The following ANKRD13C variants were observed in gnomAD, a reference collection of about 807,000 sequenced individuals.
ANKRD13C encodes ankyrin repeat domain 13C.
ANKRD13C carries 16 observed loss-of-function variants against 65.5 expected under a neutral mutation model. The ratio of observed to expected loss-of-function variants is 0.24; its 90% CI spans 0.17 to 0.37. The LOEUF is 0.37. ANKRD13C is among the 10% of genes least tolerant of loss of function. ANKRD13C has a pLI of 1.00. For synonymous variants in ANKRD13C, 235 were observed against 238.7 expected, an observed-to-expected ratio of 0.98 and a Z score of 0.14; for missense variants, 503 against 655.9, an observed-to-expected ratio of 0.77 and a Z score of 2.55.
intron 5 of ANKRD13C, among the ~76,000 whole-genome samples, chr1:70,311,033 T>C (rs1013092188): frequency 6.6e-6 from 1 of 152,208 alleles, no homozygotes; most frequent in Non-Finnish European, 1.5e-5. Flanking sequence ...GCTAGAGTTA[T>C]AAAAATGTGA....
At chr1:70,316,032 G>A (rs1209070390) in intron 3 of ANKRD13C, among the ~76,000 whole-genome samples, 1 of 152,104 alleles carries the variant, frequency 6.6e-6, no homozygotes, top group Non-Finnish European at 1.5e-5. Flanking sequence ...TGACCTCAAG[G>A]AAGATCTCAA....
intron 12 of ANKRD13C, among the ~76,000 whole-genome samples, chr1:70,266,927 T>G (rs149550335): frequency 8.3e-4 from 126 of 152,340 alleles, no homozygotes; most frequent in African/African-American, 3.0e-3. Context: ...GGGTAGAGTA[T>G]TCTATAAATG....
chr1:70,301,983 T>C (rs893083753), intron 6 of ANKRD13C, among the ~76,000 whole-genome samples: 1 of 152,148 alleles, frequency 6.6e-6, no homozygotes, highest in Non-Finnish European at 1.5e-5. Context: ...AAATCCACCC[T>C]GGCTACTGAA....
chr1:70,272,218 G>A (rs1216321877), intron 11 of ANKRD13C, among the ~76,000 whole-genome samples: 2 of 147,446 alleles, frequency 1.4e-5, no homozygotes, highest in Non-Finnish European at 3.0e-5. Context: ...TTTGTATGCT[G>A]TGTTCTCTAT....
chr1:70,347,265 G>A (rs1447971356), intron 1 of ANKRD13C, among the ~76,000 whole-genome samples: 1 of 151,974 alleles, frequency 6.6e-6, no homozygotes, highest in East Asian at 1.9e-4. Context: ...GAAAATAAAT[G>A]GTGTAGGAAC....
At chr1:70,294,025 T>C (rs577439655) in intron 8 of ANKRD13C, among the ~76,000 whole-genome samples, 1 of 152,312 alleles carries the variant, frequency 6.6e-6, no homozygotes, top group East Asian at 1.9e-4. Flanking sequence ...TATGTTAAGT[T>C]ACAGTATATC....
intron 3 of ANKRD13C, among the ~76,000 whole-genome samples, chr1:70,319,698 C>T (rs895537068): frequency 2.7e-5 from 4 of 150,282 alleles, no homozygotes; most frequent in East Asian, 3.9e-4. Flanking sequence ...ATTCCACTCT[C>T]GCACAGTAGA....
intron 12 of ANKRD13C, among the ~76,000 whole-genome samples, chr1:70,265,452 G>T (rs1326394869): frequency 6.6e-6 from 1 of 152,094 alleles, no homozygotes; most frequent in African/African-American, 2.4e-5. Context: ...TAAACAGGAA[G>T]AGAGAATCTG....
chr1:70,354,698 G>T lies in ANKRD13C; in HGVS notation c.-290C>A. 2 of 749,082 alleles carry T rather than the reference G, an allele frequency of 2.7e-6. No homozygotes were observed. The highest frequency in any genetic ancestry group is 4.2e-6 in the Non-Finnish European group (2 of 474,990). The allele number at this position is 749,082 out of a possible 1,614,324, so 46.4% of individuals were successfully genotyped here. A position where few individuals can be genotyped will look rare whatever the true frequency, so the allele number is the denominator to read the frequency against. Reference sequence around the variant, plus strand: ...CGTCGCTGCCTTACACCGAAAAACAGGGCACGGCCATCTTCCTCTTGCTCC... The same window carrying T: ...CGTCGCTGCCTTACACCGAAAAACATGGCACGGCCATCTTCCTCTTGCTCC... On this transcript the variant is annotated 5_prime_UTR_variant, in exon 1 of 13. The change creates a new upstream start codon in the 5' untranslated region. Coordinates refer to ENST00000370944, the MANE Select transcript of ANKRD13C (RefSeq NM_030816.5).
At chr1:70,266,139 C>T (rs1436083298) in intron 12 of ANKRD13C, among the ~76,000 whole-genome samples, 1 of 152,174 alleles carries the variant, frequency 6.6e-6, no homozygotes, top group African/African-American at 2.4e-5. Flanking sequence ...AATTGCTTCT[C>T]TTATGCCTCA....
chr1:70,315,677 G>T, intron 3 of ANKRD13C, 111 bp from the exon 4 acceptor site: 1 of 761,632 alleles, frequency 1.3e-6, no homozygotes, highest in Non-Finnish European at 2.0e-6. Context: ...ATATGCACGT[G>T]CATGTATGTG....
intron 1 of ANKRD13C, among the ~76,000 whole-genome samples, chr1:70,350,754 T>A (rs754143532): frequency 1.3e-5 from 2 of 152,244 alleles, no homozygotes; most frequent in Non-Finnish European, 2.9e-5. Context: ...GTTCATGATA[T>A]GCTTTGGAGT....
Position 70,297,286 on chromosome 1 carries a change from G to GGTTTTTTTTTTTT in ANKRD13C, c.922-1026_922-1025insAAAAAAAAAAAAC, listed in dbSNP as rs1558281019. 2.6e-4 allele frequency among the ~76,000 whole-genome samples: 32 copies of GGTTTTTTTTTTTT among 125,110 alleles called. 1 individual carries two copies. The highest frequency in any genetic ancestry group is 4.0e-3 in the Middle Eastern group (1 of 252). 82.1% of individuals were successfully genotyped at this position (125,110 alleles called of 152,430 possible). On this transcript the variant is annotated intron_variant, in intron 7 of 12. Coordinates refer to ENST00000370944, the MANE Select transcript of ANKRD13C (RefSeq NM_030816.5). The stretch of plus-strand genomic sequence containing the variant: ...TTTAACCTACATAGAGTCCCTTTCT[G>GGTTTTTTTTTTTT]ATTTTTTTTTTTTTTTTTTTTTTTT...
In ANKRD13C at chr1:70,320,783, T is replaced by A. The variant is rs189960811; in HGVS notation, c.577+4070A>T. Among the ~76,000 whole-genome samples the A allele has an allele frequency of 3.6e-3, 542 of 151,998 alleles. 5 individuals carry two copies. In the South Asian group the frequency reaches 0.038, roughly 11 times the overall value. On this transcript the variant is annotated intron_variant, in intron 3 of 12. Coordinates refer to ENST00000370944, the MANE Select transcript of ANKRD13C (RefSeq NM_030816.5). Reference sequence around the variant, plus strand: ...GTGATAAATAAAAGTCCTACTATAATACTTTACTTTTTTCTTTTTTTTTTT... The same window carrying A: ...GTGATAAATAAAAGTCCTACTATAAAACTTTACTTTTTTCTTTTTTTTTTT...
At chr1:70,333,958 G>C (rs1681913048) in intron 2 of ANKRD13C, among the ~76,000 whole-genome samples, 1 of 151,846 alleles carries the variant, frequency 6.6e-6, no homozygotes, top group Non-Finnish European at 1.5e-5. Flanking sequence ...AATCTTACTT[G>C]TTAAGAAGAA....
Position 70,354,719 on chromosome 1 carries a change from G to A in ANKRD13C, c.-311C>T, listed in dbSNP as rs1682926590. 3 of 730,226 alleles carry A rather than the reference G, an allele frequency of 4.1e-6. No individual in the cohort carries two copies. Among genetic ancestry groups the A allele is most frequent in the East Asian group, 2.7e-5 (1 of 36,926 alleles). 45.2% of individuals were successfully genotyped at this position (730,226 alleles called of 1,614,324 possible). Reference sequence around the variant, plus strand: ...AACAGGGCACGGCCATCTTCCTCTTGCTCCTCTCGCGAGAGCTCCCCCAGG... The same window carrying A: ...AACAGGGCACGGCCATCTTCCTCTTACTCCTCTCGCGAGAGCTCCCCCAGG... On this transcript the variant is annotated 5_prime_UTR_variant, in exon 1 of 13. Coordinates refer to ENST00000370944, the MANE Select transcript of ANKRD13C (RefSeq NM_030816.5).
At chr1:70,267,006 T>G (rs761553898) in intron 12 of ANKRD13C, among the ~76,000 whole-genome samples, 7 of 152,218 alleles carry the variant, frequency 4.6e-5, no homozygotes, top group Non-Finnish European at 1.0e-4. Context: ...TGTTGTTATA[T>G]CAATTGTTGA....
At chr1:70,298,511 A>G (rs942528088) in intron 7 of ANKRD13C, among the ~76,000 whole-genome samples, 2 of 152,150 alleles carry the variant, frequency 1.3e-5, no homozygotes, top group African/African-American at 4.8e-5. Flanking sequence ...ACATACCTTA[A>G]TACTAGTACA....
At chr1:70,339,643 T>C (rs1346694931) in intron 1 of ANKRD13C, among the ~76,000 whole-genome samples, 1 of 151,966 alleles carries the variant, frequency 6.6e-6, no homozygotes, top group East Asian at 1.9e-4. Flanking sequence ...TATGTGCATT[T>C]TGACAAACTA....
Sources: gnomAD v4.1 joint callset for allele counts (sites outside exome capture counted in the v4.1 genomes callset) on GRCh38, gnomAD v4.1.1 for gene constraint, MANE v1.5 for transcripts, NCBI Gene and HGNC (gene_info 2026-07-23, HGNC 2026-07-21) for gene names.